The following ARHGAP21 variants were observed in gnomAD, a reference collection of about 807,000 sequenced individuals.
ARHGAP21 encodes the protein rho GTPase-activating protein 21.
ARHGAP21 carries 38 observed loss-of-function variants against 164.6 expected under a neutral mutation model. The ratio of observed to expected loss-of-function variants is 0.23; its 90% CI spans 0.18 to 0.30. The LOEUF is 0.30. ARHGAP21 is among the 10% of genes least tolerant of loss of function. The pLI is 1.00. For missense variants in ARHGAP21, 1,822 were observed against 2,370.7 expected (o/e 0.77, Z 4.81); for synonymous variants, 766 against 857.9 (o/e 0.89, Z 1.87).
chr10:24,650,570 A>C (rs983888865), intron 4 of ARHGAP21, among the ~76,000 whole-genome samples: 4 of 152,234 alleles, frequency 2.6e-5, no homozygotes, highest in South Asian at 4.1e-4. Flanking sequence ...ATTATTTTTT[A>C]ATCTCAGAAA....
chr10:24,699,392 T>C (rs1404373921), intron 2 of ARHGAP21, among the ~76,000 whole-genome samples: 2 of 152,080 alleles, frequency 1.3e-5, no homozygotes, highest in Non-Finnish European at 2.9e-5. Context: ...TGGTGCGACC[T>C]TGGCTCATTG....
intron 4 of ARHGAP21, among the ~76,000 whole-genome samples, chr10:24,640,509 T>C (rs1179246306): frequency 6.6e-6 from 1 of 152,070 alleles, no homozygotes; most frequent in Non-Finnish European, 1.5e-5. Context: ...CAAAAGGCTG[T>C]TGAAATGAGA....
chr10:24,722,037 G>A lies in ARHGAP21; in HGVS notation c.-138C>T, dbSNP rs755351223. The A allele has an allele frequency of 3.4e-6, 3 of 878,870 alleles. No homozygotes were observed. The highest frequency in any genetic ancestry group is 3.7e-6 in the Non-Finnish European group (2 of 542,354). The allele number at this position is 878,870 out of a possible 1,614,324, so 54.4% of individuals were successfully genotyped here. ...GGGCAGGGCTGTTGAAACAGACAAC[G>A]TGCCAGGGAATAAAGGTTTTCAGGA... is the stretch of plus-strand genomic sequence containing the variant. On this transcript the variant is annotated 5_prime_UTR_variant, in exon 2 of 26. The change creates a new upstream start codon in the 5' untranslated region. Transcript: ENST00000396432.
chr10:24,647,901 G>A (rs1015253608), intron 4 of ARHGAP21, among the ~76,000 whole-genome samples: 1 of 152,122 alleles, frequency 6.6e-6, no homozygotes, highest in African/African-American at 2.4e-5. Context: ...GCAGTGACAC[G>A]ATCTTGGCTC....
chr10:24,689,898 GTATATATACATGTATA>G (rs1842580496), intron 2 of ARHGAP21, among the ~76,000 whole-genome samples: 1 of 38,120 alleles, frequency 2.6e-5, no homozygotes, highest in Admixed American at 2.4e-4. Flanking sequence ...ATATGTATGT[GTATATATACATGTATA>G]TATGTATATG....
intron 7 of ARHGAP21, among the ~76,000 whole-genome samples, chr10:24,624,337 CTTTT>C (rs565872094): frequency 1.9e-5 from 2 of 102,888 alleles, no homozygotes; most frequent in African/African-American, 4.0e-5. Flanking sequence ...TGTTCTAGAA[CTTTT>C]TTTTTTTTTT....
At chr10:24,591,711 A>T (rs1014998706) in intron 22 of ARHGAP21, 28 bp from the exon 23 acceptor site, 1 of 1,612,884 alleles carries the variant, frequency 6.2e-7, no homozygotes, top group Non-Finnish European at 8.5e-7. Context: ...TGAGAAGAGA[A>T]ATTAAACAAG....
rs1357180384 is a variant in ARHGAP21, at chr10:24,600,689, G to A, written c.3089C>T (p.Ala1030Val). The change falls in exon 14 of 26, where the codon GCT becomes GTT. Residue 1030 changes from alanine (A) to valine (V), a missense_variant. This residue lies in a region of ARHGAP21 where 1,090 missense variants were observed against 1,378.9 expected (regional missense o/e 0.79). Transcript: ENST00000396432. ...FQAEDRDDMLAWIKTIQESSN... is the reference protein window; with the variant it reads ...FQAEDRDDMLVWIKTIQESSN... The stretch of plus-strand genomic sequence containing the variant: ...GCTCTCCTGGATCGTCTTGATCCAA[G>A]CTAGCATATCATCTCTGTCTTCAGC... 6.2e-7 allele frequency: 1 copy of A among 1,613,934 alleles called. No homozygotes were observed. The highest frequency in any genetic ancestry group is 2.2e-5 in the East Asian group (1 of 44,884).
At chr10:24,607,968 CAAT>C in intron 9 of ARHGAP21, 65 bp from the exon 10 acceptor site, 3 of 1,449,502 alleles carry the variant, frequency 2.1e-6, no homozygotes, top group Non-Finnish European at 2.8e-6. Flanking sequence ...AAAACTCAGT[CAAT>C]AATCATTATT....
intron 4 of ARHGAP21, among the ~76,000 whole-genome samples, chr10:24,636,441 A>T (rs1836390812): frequency 6.6e-6 from 1 of 152,220 alleles, no homozygotes; most frequent in Admixed American, 6.5e-5. Flanking sequence ...AGAATCACTG[A>T]AGTAGAAGAC....
intron 2 of ARHGAP21, among the ~76,000 whole-genome samples, chr10:24,712,144 G>A (rs1301856649): frequency 2.6e-5 from 4 of 152,130 alleles, no homozygotes; most frequent in Non-Finnish European, 5.9e-5. Flanking sequence ...TCGAACTCCT[G>A]ACCTCAAGTG....
Position 24,667,737 on chromosome 10 carries a change from T to G in ARHGAP21, c.244-728A>C, listed in dbSNP as rs542238659. Among the ~76,000 whole-genome samples, 5 of 152,242 alleles carry G rather than the reference T, an allele frequency of 3.3e-5. No individual in the cohort carries two copies. In the South Asian group the frequency reaches 1.0e-3, roughly 32 times the overall value. On this transcript the variant is annotated intron_variant, in intron 3 of 25. Coordinates refer to ENST00000396432, the MANE Select transcript of ARHGAP21 (RefSeq NM_020824.4). The stretch of plus-strand genomic sequence containing the variant: ...AATTTATTACATAATTTTTTGACCT[T>G]TATTTTGGCTGCCCAATGTTTTTTT...
chr10:24,614,828 C>T (rs12768450), intron 9 of ARHGAP21, among the ~76,000 whole-genome samples: 1 of 149,986 alleles, frequency 6.7e-6, no homozygotes, highest in African/African-American at 2.5e-5. Flanking sequence ...AAACGTATTT[C>T]CCTAAATAAA....
At chr10:24,604,873 AAAG>A (rs1051580990) in intron 11 of ARHGAP21, among the ~76,000 whole-genome samples, 15 of 152,186 alleles carry the variant, frequency 9.9e-5, no homozygotes, top group African/African-American at 9.7e-5. Flanking sequence ...CTGCTTTCAA[AAAG>A]AAGGACAACT....
At chr10:24,644,736 T>C (rs1040550174) in intron 4 of ARHGAP21, among the ~76,000 whole-genome samples, 1 of 152,226 alleles carries the variant, frequency 6.6e-6, no homozygotes, top group African/African-American at 2.4e-5. Flanking sequence ...CTACTTACTC[T>C]CAAATTTCCT....
chr10:24,707,530 G>A (rs1312315746), intron 2 of ARHGAP21, among the ~76,000 whole-genome samples: 1 of 152,036 alleles, frequency 6.6e-6, no homozygotes, highest in African/African-American at 2.4e-5. Context: ...CTCCAAATCT[G>A]CGTGACTAAA....
At chr10:24,664,997 T>C (rs1840054937) in intron 4 of ARHGAP21, among the ~76,000 whole-genome samples, 1 of 152,196 alleles carries the variant, frequency 6.6e-6, no homozygotes, top group African/African-American at 2.4e-5. Context: ...ATTAGAAATA[T>C]ATTCCCCCCC....
chr10:24,603,667 A>T (rs969256817), intron 12 of ARHGAP21, among the ~76,000 whole-genome samples: 1 of 152,100 alleles, frequency 6.6e-6, no homozygotes, highest in African/African-American at 2.4e-5. Flanking sequence ...AGCAATATTT[A>T]TGGTAAGAAT....
chr10:24,711,878 T>C (rs1844858422), intron 2 of ARHGAP21, among the ~76,000 whole-genome samples: 1 of 152,106 alleles, frequency 6.6e-6, no homozygotes, highest in African/African-American at 2.4e-5. Context: ...CCTGTGGGCA[T>C]GACCTTATTT....
Sources: allele counts gnomAD v4.1 joint callset (sites outside exome capture counted in the v4.1 genomes callset), GRCh38; gene constraint gnomAD v4.1.1; regional missense constraint gnomAD v4.1.1; transcripts MANE v1.5; gene names NCBI Gene and HGNC (gene_info 2026-07-23, HGNC 2026-07-21).